GMDS: variants seen among roughly 807,000 people sequenced by gnomAD.
The protein encoded by GMDS is GDP-mannose 4,6-dehydratase.
Under a neutral mutation model 49.9 loss-of-function variants are expected in GMDS, and 20 were observed. The observed-to-expected ratio is 0.40, with a 90% CI of 0.28 to 0.58. GMDS has a LOEUF of 0.58. Ranked by LOEUF, GMDS falls within the 20% of genes least tolerant of loss-of-function variation. GMDS has a pLI of 0.42. For missense variants in GMDS, 362 were observed against 481.4 expected, an observed-to-expected ratio of 0.75 and a Z score of 2.32; for synonymous variants, 177 against 178.6, an observed-to-expected ratio of 0.99 and a Z score of 0.07.
At position 1,960,897 on chromosome 6, in the gene GMDS, C is replaced by A; in HGVS notation, c.415G>T (p.Val139Phe). 1 of 1,610,332 alleles carries A rather than the reference C, an allele frequency of 6.2e-7. No individual in the cohort carries two copies. Among genetic ancestry groups the A allele is most frequent in the South Asian group, 1.1e-5 (1 of 90,712 alleles). Residue 139 changes from valine to phenylalanine, a missense_variant, in exon 5 of 11, where the codon GTT becomes TTT. By Grantham distance (50) the Val-to-Phe change is conservative. Transcript: ENST00000380815. The stretch of plus-strand genomic sequence containing the variant: ...GAGTTGATAAGGCCACAAGTCTTAA[C>A]TGCATCTAGAAGTCGTAGAGTGCCA... ...GVGTLRLLDA[V>F]KTCGLINSVK...
At chr6:1,764,254 T>C (rs953248723) in intron 7 of GMDS, among the ~76,000 whole-genome samples, 4 of 152,102 alleles carry the variant, frequency 2.6e-5, no homozygotes, top group Admixed American at 1.3e-4. Flanking sequence ...TACGAAAACA[T>C]GCACTCAAAA....
chr6:1,981,563 T>C (rs781444334), intron 4 of GMDS, among the ~76,000 whole-genome samples: 41 of 152,246 alleles, frequency 2.7e-4, no homozygotes, highest in African/African-American at 7.9e-4. Context: ...CAGGACCAGA[T>C]AGATTCACAG....
intron 7 of GMDS, among the ~76,000 whole-genome samples, chr6:1,865,235 C>T (rs1758389879): frequency 6.6e-6 from 1 of 152,132 alleles, no homozygotes; most frequent in South Asian, 2.1e-4. Flanking sequence ...ATTATAGAAC[C>T]TTGTATTTCC....
intron 1 of GMDS, among the ~76,000 whole-genome samples, chr6:2,126,111 A>G (rs1775419806): frequency 6.6e-6 from 1 of 152,216 alleles, no homozygotes; most frequent in Non-Finnish European, 1.5e-5. Context: ...TGAGAGACAT[A>G]TAATTAAACT....
Position 1,778,333 on chromosome 6 carries a change from A to G in GMDS, c.772-35747T>C, listed in dbSNP as rs1768925153. 6.6e-6 allele frequency among the ~76,000 whole-genome samples: 1 copy of G among 152,238 alleles called. No individual in the cohort carries two copies. Among genetic ancestry groups the G allele is most frequent in the Admixed American group, 6.5e-5 (1 of 15,284 alleles). On this transcript the variant is annotated intron_variant, in intron 7 of 10. Coordinates refer to ENST00000380815, the MANE Select transcript of GMDS (RefSeq NM_001500.4). The surrounding 1 kb of genome is among the most constrained non-coding windows in gnomAD (Gnocchi z 4.6). ...TGACAATGTGGATAATTGCCTGTTT[A>G]GGATAATGGAATACTGATTGAAGTC...
chr6:2,177,888 G>T (rs1246158511), intron 1 of GMDS, among the ~76,000 whole-genome samples: 1 of 152,116 alleles, frequency 6.6e-6, no homozygotes, highest in Non-Finnish European at 1.5e-5. Context: ...ATCAACGCAG[G>T]TGCTCATCAA....
chr6:2,242,247 C>T (rs746352933), intron 1 of GMDS, among the ~76,000 whole-genome samples: 25 of 152,328 alleles, frequency 1.6e-4, no homozygotes, highest in Non-Finnish European at 2.5e-4. Flanking sequence ...ATTCAAAAAA[C>T]AGCAAGAACA....
At chr6:1,829,197 T>C (rs950903753) in intron 7 of GMDS, among the ~76,000 whole-genome samples, 3 of 152,282 alleles carry the variant, frequency 2.0e-5, no homozygotes, top group Admixed American at 1.3e-4. Context: ...AGAAAATCCA[T>C]GTATAAGTGA....
chr6:2,016,632 A>T (rs1767917712), intron 4 of GMDS, among the ~76,000 whole-genome samples: 1 of 152,238 alleles, frequency 6.6e-6, no homozygotes, highest in African/African-American at 2.4e-5. Context: ...AGATGATTAT[A>T]TATTCTTTCC....
intron 4 of GMDS, among the ~76,000 whole-genome samples, chr6:2,084,326 C>G (rs775442243): frequency 6.6e-6 from 1 of 152,060 alleles, no homozygotes; most frequent in African/African-American, 2.4e-5. Flanking sequence ...AAGTGGCCAC[C>G]CCATAAACAT....
intron 9 of GMDS, chr6:1,679,052 A>G (rs942990315): frequency 1.4e-4 from 22 of 152,230 alleles, no homozygotes; most frequent in Non-Finnish European, 2.5e-4. Flanking sequence ...AGCTCCAAAC[A>G]TGTGCATGCG....
intron 4 of GMDS, among the ~76,000 whole-genome samples, chr6:2,067,007 G>A (rs562871211): frequency 4.6e-5 from 7 of 151,180 alleles, no homozygotes; most frequent in Non-Finnish European, 8.8e-5. Context: ...TGACCACATA[G>A]TTGGAAGTAA....
intron 1 of GMDS, among the ~76,000 whole-genome samples, chr6:2,144,059 T>C (rs535174011): frequency 6.6e-6 from 1 of 152,256 alleles, no homozygotes; most frequent in African/African-American, 2.4e-5. Flanking sequence ...ACAGGCAATA[T>C]TTACCACAGG....
chr6:2,164,319 T>C (rs1301116457), intron 1 of GMDS, among the ~76,000 whole-genome samples: 2 of 152,198 alleles, frequency 1.3e-5, no homozygotes, highest in Non-Finnish European at 2.9e-5. Flanking sequence ...TTTTGGAGTG[T>C]AGTGTACCTT....
chr6:1,696,203 T>C (rs1298968373), intron 9 of GMDS, among the ~76,000 whole-genome samples: 1 of 152,208 alleles, frequency 6.6e-6, no homozygotes. Flanking sequence ...ATGAGACCCT[T>C]TGACACTGAG....
At chr6:2,036,850 A>G (rs1274056830) in intron 4 of GMDS, among the ~76,000 whole-genome samples, 1 of 152,186 alleles carries the variant, frequency 6.6e-6, no homozygotes, top group African/African-American at 2.4e-5. Flanking sequence ...GTATTCTCCA[A>G]ATTAACGTGG....
chr6:1,789,294 T>C (rs111912277), intron 7 of GMDS, among the ~76,000 whole-genome samples: 10 of 152,156 alleles, frequency 6.6e-5, no homozygotes, highest in African/African-American at 1.4e-4. Flanking sequence ...ACTGGCCGTA[T>C]GCTGACCTCA....
chr6:1,701,321 T>C (rs1164794388), intron 9 of GMDS, among the ~76,000 whole-genome samples: 1 of 152,234 alleles, frequency 6.6e-6, no homozygotes, highest in Admixed American at 6.5e-5. Context: ...CACTGTGTCA[T>C]TATGTATACA....
Position 1,790,334 on chromosome 6 carries a change from G to A in GMDS, c.772-47748C>T, listed in dbSNP as rs114043126. Among the ~76,000 whole-genome samples, 1,281 of 152,330 alleles carry A rather than the reference G, an allele frequency of 8.4e-3. 12 individuals are homozygous for A. Among genetic ancestry groups the A allele is most frequent in the African/African-American group, 0.029 (1,220 of 41,574 alleles). On this transcript the variant is annotated intron_variant, in intron 7 of 10. Coordinates refer to ENST00000380815, the MANE Select transcript of GMDS (RefSeq NM_001500.4). ...GAATGCCTCCAAAGTCTCCATGGGA[G>A]TTAGGCATGGTCTTACCACAGCCCA...
Sources: gnomAD v4.1 joint callset for allele counts (sites outside exome capture counted in the v4.1 genomes callset) on GRCh38, gnomAD v4.1.1 for gene constraint, Gnocchi (gnomAD v3.1) non-coding constraint, MANE v1.5 for transcripts, NCBI Gene and HGNC (gene_info 2026-07-23, HGNC 2026-07-21) for gene names.